Variants in HIVEP1 observed in about 807,000 individuals in gnomAD.
HIVEP1 encodes the protein HIVEP zinc finger 1, also known as zinc finger protein 40.
In HIVEP1, 36 loss-of-function variants were observed where a neutral mutation model predicts 180.0. That is an observed-to-expected ratio of 0.20 (90% CI 0.15 to 0.26). HIVEP1 has a LOEUF of 0.26. HIVEP1 is among the 10% of genes least tolerant of loss of function. The probability of loss-of-function intolerance (pLI) is 1.00; values close to 1 mark genes in which losing one functional copy is unlikely to be tolerated. For missense variants in HIVEP1, 3,143 were observed against 3,268.7 expected (o/e 0.96, Z 0.94); for synonymous variants, 1,239 against 1,239.0 (o/e 1.00, Z 0.00).
intron 3 of HIVEP1, among the ~76,000 whole-genome samples, chr6:12,093,474 A>G (rs967450294): frequency 1.3e-5 from 2 of 150,910 alleles, no homozygotes; most frequent in Admixed American, 6.6e-5. Flanking sequence ...ATATATATAT[A>G]TTTTCTATAT....
chr6:12,110,424 T>C (rs923822942), intron 3 of HIVEP1, among the ~76,000 whole-genome samples: 5 of 152,250 alleles, frequency 3.3e-5, no homozygotes, highest in African/African-American at 1.2e-4. Context: ...TCCTCAGTTA[T>C]CTTAGCAAAA....
At chr6:12,069,528 C>T (rs1030910848) in intron 2 of HIVEP1, among the ~76,000 whole-genome samples, 1 of 131,082 alleles carries the variant, frequency 7.6e-6, no homozygotes, top group Non-Finnish European at 1.5e-5. Context: ...ACGATGAGAA[C>T]ATATGGACAC....
rs757762784 is a variant in HIVEP1, at chr6:12,124,142, A to G, written c.4347A>G (p.Thr1449=). ...GTCATCTGTCTCCTGTACACCCAAC[A>G]TCTTTCCAAAATACTGCTCTTCCCA... ...PDSHLSPVHP[T]SFQNTALPSV... is the part of the protein sequence containing the mutation. The change falls in exon 4 of 9, where the codon ACA becomes ACG. Residue 1449 remains threonine (T), a synonymous_variant. Transcript: ENST00000379388. 7 of 1,613,990 alleles carry G rather than the reference A, an allele frequency of 4.3e-6. No individual in the cohort carries two copies. The highest frequency in any genetic ancestry group is 2.2e-5 in the East Asian group (1 of 44,890).
chr6:12,197,529 G>C, the HIVEP1 span, among the ~76,000 whole-genome samples: 118 of 136,510 alleles, frequency 8.6e-4, no homozygotes, highest in Admixed American at 1.5e-3. Flanking sequence ...CTCCAGCCTG[G>C]ACAACAGAGT....
Position 12,124,982 on chromosome 6 carries a change from A to G in HIVEP1, c.5187A>G (p.Ile1729Met), listed in dbSNP as rs1757967770. The G allele has an allele frequency of 6.2e-7, 1 of 1,614,188 alleles. No homozygotes were observed. Among genetic ancestry groups the G allele is most frequent in the Non-Finnish European group, 8.5e-7 (1 of 1,180,028 alleles). The change falls in exon 4 of 9, where the codon ATA becomes ATG. Residue 1729 changes from isoleucine (I) to methionine (M), a missense_variant. Transcript: ENST00000379388. ...LSESLPITQK[I>M]SVGRLSPQQE... ...AATCCTTGCCCATAACTCAGAAAATATCTGTTGGTCGACTTTCCCCTCAAC... is the reference window on the plus strand; with the variant it reads ...AATCCTTGCCCATAACTCAGAAAATGTCTGTTGGTCGACTTTCCCCTCAAC...
chr6:12,037,379 G>A (rs142488699), intron 2 of HIVEP1, among the ~76,000 whole-genome samples: 38 of 152,250 alleles, frequency 2.5e-4, no homozygotes, highest in African/African-American at 8.9e-4. Context: ...CAGTTTCTTC[G>A]TGTGTTTGCT....
chr6:12,021,729 T>C (rs896089643), intron 2 of HIVEP1, among the ~76,000 whole-genome samples: 12 of 152,204 alleles, frequency 7.9e-5, no homozygotes, highest in African/African-American at 2.6e-4. Context: ...GCAGTAGTGC[T>C]GTCTTGGCTC....
rs147371264 is a variant in HIVEP1 at position 12,058,718 on chromosome 6, A to C, written c.41-30466A>C. On this transcript the variant is annotated intron_variant, in intron 2 of 8. Transcript: ENST00000379388. The stretch of plus-strand genomic sequence containing the variant: ...AGCTTGGGCAAGCAGCCCAGGCGCA[A>C]ACAGCTCCGTACTGGTGATGGTATT... Among the ~76,000 whole-genome samples the C allele has an allele frequency of 5.7e-4, 87 of 152,222 alleles. 2 individuals are homozygous for C. The East Asian group carries it at 0.016, about 28-fold the overall frequency.
intron 1 of HIVEP1, among the ~76,000 whole-genome samples, chr6:12,012,961 T>G (rs1349768650): frequency 6.6e-6 from 1 of 152,112 alleles, no homozygotes; most frequent in Non-Finnish European, 1.5e-5. Context: ...CCTGGGTAGT[T>G]TCTTTCCGGG....
At chr6:12,042,349 G>A (rs1581561028) in intron 2 of HIVEP1, among the ~76,000 whole-genome samples, 2 of 148,640 alleles carry the variant, frequency 1.3e-5, no homozygotes, top group African/African-American at 5.0e-5. Flanking sequence ...CCAAAGTGCT[G>A]GGATTACAGG....
intron 2 of HIVEP1, among the ~76,000 whole-genome samples, chr6:12,058,982 CTGTT>C (rs1771057494): frequency 6.6e-6 from 1 of 151,214 alleles, no homozygotes; most frequent in African/African-American, 2.4e-5. Context: ...GAGTGTCACT[CTGTT>C]TGTTGCCCAG....
the HIVEP1 span, among the ~76,000 whole-genome samples, chr6:12,211,313 T>G: frequency 1.0e-5 from 1 of 96,348 alleles, no homozygotes; most frequent in Admixed American, 9.7e-5. Context: ...GGCAGGAGAA[T>G]GGCGTGAACC....
the HIVEP1 span, among the ~76,000 whole-genome samples, chr6:12,210,572 T>C: frequency 2.9e-4 from 44 of 152,318 alleles, no homozygotes; most frequent in East Asian, 7.5e-3. Context: ...GATTTGAAAG[T>C]ATAACAGCTG....
intron 4 of HIVEP1, chr6:12,129,491 G>A: frequency 2.0e-6 from 1 of 497,962 alleles, no homozygotes; most frequent in East Asian, 4.6e-5. Context: ...GAAATACCAT[G>A]GTATAGGAGG....
intron 2 of HIVEP1, among the ~76,000 whole-genome samples, chr6:12,058,116 G>A (rs776200648): frequency 2.3e-4 from 35 of 152,214 alleles, no homozygotes; most frequent in South Asian, 6.2e-4. Flanking sequence ...GAGAAGGAAG[G>A]CATCTAGGTA....
At chr6:12,186,398 C>T in the HIVEP1 span, among the ~76,000 whole-genome samples, 1 of 151,584 alleles carries the variant, frequency 6.6e-6, no homozygotes, top group Non-Finnish European at 1.5e-5. Flanking sequence ...AGTCAGAAGG[C>T]AGATCAGTGG....
At chr6:12,142,057 C>T (rs745431808) in intron 7 of HIVEP1, among the ~76,000 whole-genome samples, 2 of 152,204 alleles carry the variant, frequency 1.3e-5, no homozygotes, top group Non-Finnish European at 2.9e-5. Flanking sequence ...ACAGAACTCT[C>T]CACCACAAAT....
intron 2 of HIVEP1, among the ~76,000 whole-genome samples, chr6:12,077,848 T>G (rs1356293937): frequency 1.3e-5 from 2 of 152,238 alleles, no homozygotes; most frequent in East Asian, 3.9e-4. Context: ...GTTTCTTTTC[T>G]GCTACTCCCA....
At chr6:12,133,935 G>A (rs1758569683) in intron 6 of HIVEP1, among the ~76,000 whole-genome samples, 1 of 150,396 alleles carries the variant, frequency 6.6e-6, no homozygotes, top group African/African-American at 2.5e-5. Context: ...CTGAGATCTC[G>A]CCACTGCACT....
Sources: allele counts gnomAD v4.1 joint callset (sites outside exome capture counted in the v4.1 genomes callset), GRCh38; gene constraint gnomAD v4.1.1; transcripts MANE v1.5; gene names NCBI Gene and HGNC (gene_info 2026-07-23, HGNC 2026-07-21).